The following RELN variants were observed in gnomAD, a reference collection of about 807,000 sequenced individuals.
RELN encodes reelin.
RELN carries 108 observed loss-of-function variants against 427.6 expected under a neutral mutation model. The observed-to-expected ratio is 0.25, with a 90% CI of 0.22 to 0.30. The LOEUF (loss-of-function observed/expected upper bound fraction) is 0.30, where lower values mean the gene tolerates loss of function less well. RELN is among the 10% of genes least tolerant of loss of function. RELN has a pLI of 1.00. For synonymous variants in RELN, 1,524 were observed against 1,513.4 expected, an observed-to-expected ratio of 1.01 and a Z score of -0.16; for missense variants, 3,715 against 4,302.8, an observed-to-expected ratio of 0.86 and a Z score of 3.82.
At chr7:103,777,497 C>T (rs1791774004) in intron 3 of RELN, among the ~76,000 whole-genome samples, 2 of 152,072 alleles carry the variant, frequency 1.3e-5, no homozygotes, top group Admixed American at 6.5e-5. Context: ...CATCCTAGGG[C>T]AAAAATAATT....
chr7:103,835,486 C>T (rs1212899273), intron 2 of RELN, among the ~76,000 whole-genome samples: 2 of 152,040 alleles, frequency 1.3e-5, no homozygotes, highest in African/African-American at 4.8e-5. Flanking sequence ...ATTGATTGTA[C>T]CAAATGTACC....
At chr7:103,715,670 C>T (rs1047075717) in intron 8 of RELN, among the ~76,000 whole-genome samples, 15 of 152,280 alleles carry the variant, frequency 9.9e-5, no homozygotes, top group African/African-American at 3.6e-4. Context: ...TCTTCCCTCA[C>T]TTCCAAAATA....
At chr7:103,776,885 C>T (rs539993948) in intron 3 of RELN, among the ~76,000 whole-genome samples, 2 of 152,096 alleles carry the variant, frequency 1.3e-5, no homozygotes, top group South Asian at 2.1e-4. Flanking sequence ...AGCAGATGTG[C>T]GTAAAGCCTA....
chr7:103,871,525 G>C (rs1584317152), intron 2 of RELN, among the ~76,000 whole-genome samples: 1 of 152,032 alleles, frequency 6.6e-6, no homozygotes, highest in African/African-American at 2.4e-5. Context: ...GGATTTTTAG[G>C]TCTCTAGTTT....
chr7:103,950,974 G>T (rs1013156474), intron 1 of RELN, among the ~76,000 whole-genome samples: 1 of 152,182 alleles, frequency 6.6e-6, no homozygotes, highest in African/African-American at 2.4e-5. Flanking sequence ...TGTCGCCCAG[G>T]CTGGAGTGCA....
intron 4 of RELN, among the ~76,000 whole-genome samples, chr7:103,773,100 T>TTTTCTTTCTTTCTTTCTTTCTCTC: frequency 7.8e-6 from 1 of 128,590 alleles, no homozygotes; most frequent in Non-Finnish European, 1.6e-5. Flanking sequence ...GGTTCTCCTC[T>TTTTCTTTCTTTCTTTCTTTCTCTC]TTTCTTTCTT....
intron 1 of RELN, among the ~76,000 whole-genome samples, chr7:103,985,775 G>A (rs1234414634): frequency 6.6e-6 from 1 of 152,268 alleles, no homozygotes; most frequent in Non-Finnish European, 1.5e-5. Flanking sequence ...TGGGGGTGAG[G>A]AAAAGGAACG....
intron 2 of RELN, among the ~76,000 whole-genome samples, chr7:103,884,493 G>A (rs1016677544): frequency 9.2e-5 from 14 of 152,128 alleles, no homozygotes; most frequent in African/African-American, 3.1e-4. Flanking sequence ...GAGTGAACAG[G>A]CAACCTACAG....
chr7:103,763,185 A>G (rs543308413), intron 4 of RELN, among the ~76,000 whole-genome samples: 1 of 152,220 alleles, frequency 6.6e-6, no homozygotes, highest in Non-Finnish European at 1.5e-5. Context: ...AGTAAAGTTC[A>G]TCAATGAAAA....
intron 8 of RELN, among the ~76,000 whole-genome samples, chr7:103,715,969 C>T (rs1459772735): frequency 6.6e-6 from 1 of 152,166 alleles, no homozygotes; most frequent in Non-Finnish European, 1.5e-5. Flanking sequence ...AGGACTAATC[C>T]CCATCCCGGG....
Position 103,557,035 on chromosome 7 carries a change from C to T in RELN, c.5739G>A (p.Leu1913=). The change falls in exon 38 of 65, where the codon TTG becomes TTA. Residue 1913 remains leucine (L), a synonymous_variant. Coordinates refer to ENST00000428762, the MANE Select transcript of RELN (RefSeq NM_005045.4). ...TTNILFINVP[L]PYTAQTNATR... ...TAGCATTGGTTTGGGCAGTGTATGG[C>T]AAGGGAACATTGATGAAAAGTATAT... 1.2e-6 allele frequency: 2 copies of T among 1,613,848 alleles called. No individual in the cohort carries two copies. The highest frequency in any genetic ancestry group is 1.7e-6 in the Non-Finnish European group (2 of 1,179,770).
intron 2 of RELN, among the ~76,000 whole-genome samples, chr7:103,903,673 G>C (rs1281565858): frequency 1.3e-5 from 2 of 151,720 alleles, no homozygotes; most frequent in African/African-American, 4.8e-5. Context: ...TTTTTGATAT[G>C]ATTATATATG....
intron 2 of RELN, among the ~76,000 whole-genome samples, chr7:103,900,657 A>G (rs10260005): frequency 0.43 from 65,269 of 151,770 alleles, 14,470 homozygotes; most frequent in East Asian, 0.74. Context: ...CAGACCAATG[A>G]AACACAACAG....
intron 20 of RELN, among the ~76,000 whole-genome samples, chr7:103,612,751 A>C (rs996033905): frequency 8.5e-5 from 13 of 152,198 alleles, no homozygotes; most frequent in Admixed American, 1.3e-4. Flanking sequence ...TTGTGTCTCA[A>C]ATCAGTAAAA....
At chr7:103,767,074 C>T (rs374236580) in intron 4 of RELN, among the ~76,000 whole-genome samples, 6 of 152,330 alleles carry the variant, frequency 3.9e-5, no homozygotes, top group Admixed American at 1.3e-4. Flanking sequence ...AAGAAGCCCA[C>T]AGGCCAATGA....
rs929010457 is a variant in RELN at position 103,851,626 on chromosome 7, A to G, written c.338-17954T>C. ...GTGCCCAGAAACTTAATTGTTTTCA[A>G]TTCCTCAATTACCTTCACCAGCCCG... On this transcript the variant is annotated intron_variant, in intron 2 of 64. Transcript: ENST00000428762. 5.9e-5 allele frequency among the ~76,000 whole-genome samples: 9 copies of G among 152,290 alleles called. 1 individual carries two copies. Among genetic ancestry groups the G allele is most frequent in the Admixed American group, 4.6e-4 (7 of 15,276 alleles).
At chr7:103,856,581 A>G (rs1252763843) in intron 2 of RELN, among the ~76,000 whole-genome samples, 1 of 149,676 alleles carries the variant, frequency 6.7e-6, no homozygotes, top group Non-Finnish European at 1.5e-5. Context: ...AAAAAAAAAA[A>G]AAAAAAAGAA....
chr7:103,678,587 C>T lies in RELN; in HGVS notation c.1289+3529G>A, dbSNP rs182171604. Among the ~76,000 whole-genome samples the T allele has an allele frequency of 9.7e-4, 148 of 152,204 alleles. 1 individual carries two copies. The Middle Eastern group carries it at 0.024, about 24-fold the overall frequency. ...GGGAAAATATGGATAATTGGGAAAA[C>T]GGTTTCCCAGAAAAGCCATAATGGC... On this transcript the variant is annotated intron_variant, in intron 11 of 64. Transcript: ENST00000428762.
chr7:103,653,198 GC>G (rs762526427), intron 13 of RELN, among the ~76,000 whole-genome samples: 1 of 152,038 alleles, frequency 6.6e-6, no homozygotes, highest in Non-Finnish European at 1.5e-5. Flanking sequence ...AACAACCAGA[GC>G]CAATGAGTCA....
Sources: allele counts gnomAD v4.1 joint callset (sites outside exome capture counted in the v4.1 genomes callset), GRCh38; gene constraint gnomAD v4.1.1; transcripts MANE v1.5; gene names NCBI Gene and HGNC (gene_info 2026-07-23, HGNC 2026-07-21).